MBD6: variants seen among roughly 807,000 people sequenced by gnomAD.
MBD6 encodes methyl-CpG binding domain protein 6.
MBD6 carries 22 observed loss-of-function variants against 66.8 expected under a neutral mutation model. That is an observed-to-expected ratio of 0.33 (90% CI 0.24 to 0.47). The LOEUF (loss-of-function observed/expected upper bound fraction) is 0.47, where lower values mean the gene tolerates loss of function less well. Ranked by LOEUF, MBD6 falls within the 20% of genes least tolerant of loss-of-function variation. The pLI is 1.00. For synonymous variants in MBD6, 540 were observed against 534.6 expected, an observed-to-expected ratio of 1.01 and a Z score of -0.14; for missense variants, 1,322 against 1,286.9, an observed-to-expected ratio of 1.03 and a Z score of -0.42.
Position 57,528,505 on chromosome 12 carries a change from G to A in MBD6, c.2765G>A (p.Gly922Glu). ...HWQHNGELAE[G>E]GAEPKDPPPP... Reference sequence around the variant, plus strand: ...CAGCATAATGGGGAGCTGGCTGAAGGGGGTGCTGAGCCCAAGGATCCACCC... The same window carrying A: ...CAGCATAATGGGGAGCTGGCTGAAGAGGGTGCTGAGCCCAAGGATCCACCC... Residue 922 changes from glycine (G) to glutamate (E), a missense_variant, in exon 10 of 13, where the codon GGG becomes GAG. Physicochemically the swap from Gly to Glu is moderately conservative, Grantham distance 98. Transcript: ENST00000355673. The A allele has an allele frequency of 6.2e-7, 1 of 1,613,962 alleles. No homozygotes were observed. The highest frequency in any genetic ancestry group is 2.2e-5 in the East Asian group (1 of 44,882).
rs78586035 is a variant in MBD6, at chr12:57,525,024, C to T, written c.288C>T (p.Asp96=). 5.0e-4 allele frequency: 807 copies of T among 1,613,094 alleles called. 7 individuals carry two copies. In the East Asian group the frequency reaches 0.016, roughly 33 times the overall value. ...GGGTGGGGCCAGCATCAGAGGAGGA[C>T]ATGACCAAGCTGTGCAACCACCGGC... ...GAGVGPASEE[D]MTKLCNHRRK... Residue 96 remains aspartate, a synonymous_variant, in exon 5 of 13, where the codon GAC becomes GAT. Coordinates refer to ENST00000355673, the MANE Select transcript of MBD6 (RefSeq NM_052897.4).
rs368133035 is a variant in MBD6, at chr12:57,529,418, A to ACCCCCCCCCCCCCCCCCCCCCCCCCCC, written c.*193_*194insCCCCCCCCCCCCCCCCCCCCCCCCCCC. The ACCCCCCCCCCCCCCCCCCCCCCCCCCC allele has an allele frequency of 7.2e-5, 24 of 333,302 alleles. No individual in the cohort carries two copies. Among genetic ancestry groups the ACCCCCCCCCCCCCCCCCCCCCCCCCCC allele is most frequent in the African/African-American group, 2.2e-4 (7 of 32,324 alleles). The allele number at this position is 333,302 out of a possible 1,614,324, so 20.6% of individuals were successfully genotyped here. A position where few individuals can be genotyped will look rare whatever the true frequency, so the allele number is the denominator to read the frequency against. ...GCCATTGCAGGGGGCAGGGAAGTTC[A>ACCCCCCCCCCCCCCCCCCCCCCCCCCC]CCCCCCCCCACCACCCCCCCGCCCC... On this transcript the variant is annotated 3_prime_UTR_variant, in exon 13 of 13. Coordinates refer to ENST00000355673, the MANE Select transcript of MBD6 (RefSeq NM_052897.4).
chr12:57,527,648 G>A lies in MBD6; in HGVS notation c.2224G>A (p.Ala742Thr), dbSNP rs777526406. 1.9e-6 allele frequency: 3 copies of A among 1,599,574 alleles called. No homozygotes were observed. Among genetic ancestry groups the A allele is most frequent in the Non-Finnish European group, 2.6e-6 (3 of 1,173,306 alleles). ...CCAACTCCTTAGCCCTCTGCTGGGTGCCAGCCTGCTGGGTGAGTCTGAGGG... is the reference window on the plus strand; with the variant it reads ...CCAACTCCTTAGCCCTCTGCTGGGTACCAGCCTGCTGGGTGAGTCTGAGGG... ...PPQLLSPLLGASLLGDLSSLT... is the reference protein window; with the variant it reads ...PPQLLSPLLGTSLLGDLSSLT... The change falls in exon 8 of 13, where the codon GCC (alanine) becomes ACC (threonine). Residue 742 changes from alanine to threonine, a missense_variant. By Grantham distance (58) the Ala-to-Thr change is moderately conservative. Coordinates refer to ENST00000355673, the MANE Select transcript of MBD6 (RefSeq NM_052897.4).
intron 7 of MBD6, 30 bp from the exon 8 acceptor site, chr12:57,527,477 G>GT (rs1262007060): frequency 2.1e-5 from 34 of 1,611,964 alleles, no homozygotes; most frequent in African/African-American, 8.0e-5. Context: ...TTTTACACGC[G>GT]TAAGTGTTAG....
At position 57,526,553 on chromosome 12, in the gene MBD6, T is replaced by A; in HGVS notation, c.1421-13T>A. 6.6e-7 allele frequency: 1 copy of A among 1,511,144 alleles called. No homozygotes were observed. The highest frequency in any genetic ancestry group is 1.4e-5 in the African/African-American group (1 of 71,632). The allele number at this position is 1,511,144 out of a possible 1,614,324, so 93.6% of individuals were successfully genotyped here. ...GGGCCTCCCTTGAGCTGAATTTCTC[T>A]CCTCTTTTACAGGTGCCCCTGCCCC... On this transcript the variant is annotated splice_polypyrimidine_tract_variant and intron_variant, in intron 6 of 12. Transcript: ENST00000355673.
At position 57,525,364 on chromosome 12, in the gene MBD6, C is replaced by T. The variant is rs1387570751; in HGVS notation, c.396C>T (p.Pro132=). Residue 132 remains proline, a synonymous_variant, in exon 6 of 13, where the codon CCC becomes CCT. Coordinates refer to ENST00000355673, the MANE Select transcript of MBD6 (RefSeq NM_052897.4). ...SHSSPGEGAS[P]QMFHTVSPGP... Reference sequence around the variant, plus strand: ...TTATTGCAGGAGAGGGAGCGAGCCCCCAAATGTTCCACACTGTGTCCCCAG... The same window carrying T: ...TTATTGCAGGAGAGGGAGCGAGCCCTCAAATGTTCCACACTGTGTCCCCAG... 3 of 1,564,898 alleles carry T rather than the reference C, an allele frequency of 1.9e-6. No homozygotes were observed. In the African/African-American group the frequency reaches 4.1e-5, roughly 22 times the overall value.
Position 57,525,413 on chromosome 12 carries a change from T to C in MBD6, c.445T>C (p.Cys149Arg), listed in dbSNP as rs759390289. 1 of 1,408,194 alleles carries C rather than the reference T, an allele frequency of 7.1e-7. No individual in the cohort carries two copies. The highest frequency in any genetic ancestry group is 9.4e-7 in the Non-Finnish European group (1 of 1,065,150). 87.2% of individuals were successfully genotyped at this position (1,408,194 alleles called of 1,614,324 possible). ...SPGPPSARPP[C>R]RVPPTTPLNG... ...AGGGCCCCCCTCTGCCCGCCCTCCC[T>C]GTCGAGTTCCTCCTACAACTCCACT... The change falls in exon 6 of 13, where the codon TGT becomes CGT. Residue 149 changes from cysteine to arginine, a missense_variant. Coordinates refer to ENST00000355673, the MANE Select transcript of MBD6 (RefSeq NM_052897.4).
chr12:57,526,768 G>A lies in MBD6; in HGVS notation c.1623G>A (p.Leu541=). The change falls in exon 7 of 13, where the codon TTG becomes TTA. Residue 541 remains leucine, a synonymous_variant. Coordinates refer to ENST00000355673, the MANE Select transcript of MBD6 (RefSeq NM_052897.4). ...GAGFPGMLGA[L]PLPLSLGQPP... is the part of the protein sequence containing the mutation. ...GCTTCCCTGGGATGCTTGGGGCCTT[G>A]CCTCTCCCTCTGAGTCTGGGGCAGC... 6.3e-7 allele frequency: 1 copy of A among 1,593,836 alleles called. No individual in the cohort carries two copies. The highest frequency in any genetic ancestry group is 8.6e-7 in the Non-Finnish European group (1 of 1,167,510).
In MBD6 at chr12:57,527,545, C is replaced by T. The variant is rs1454366906; in HGVS notation, c.2121C>T (p.Thr707=). 2.5e-6 allele frequency: 4 copies of T among 1,614,028 alleles called. No individual in the cohort carries two copies. Among genetic ancestry groups the T allele is most frequent in the African/African-American group, 1.3e-5 (1 of 74,918 alleles). The part of the protein sequence containing the change: ...VLSAPQPGPP[T]SSVTTATTDP... ...GTGCCCCCCAACCTGGACCACCTACCTCCAGTGTCACCACGGCAACTACTG... is the reference window on the plus strand; with the variant it reads ...GTGCCCCCCAACCTGGACCACCTACTTCCAGTGTCACCACGGCAACTACTG... The change falls in exon 8 of 13, where the codon ACC becomes ACT. Residue 707 remains threonine, a synonymous_variant. Coordinates refer to ENST00000355673, the MANE Select transcript of MBD6 (RefSeq NM_052897.4).
At chr12:57,525,261 G>A in intron 5 of MBD6, 87 bp from the exon 6 acceptor site, 2 of 1,483,478 alleles carry the variant, frequency 1.3e-6, no homozygotes, top group Non-Finnish European at 1.8e-6. Context: ...GGGAGGTTGG[G>A]AACTTGTGGG....
In MBD6 at chr12:57,529,497, C is replaced by T. The variant is rs1231785551; in HGVS notation, c.*263C>T. On this transcript the variant is annotated 3_prime_UTR_variant, in exon 13 of 13. Coordinates refer to ENST00000355673, the MANE Select transcript of MBD6 (RefSeq NM_052897.4). ...GGGGGGATGGTATATGGCCCTTTCC[C>T]CACCAGGCGCTAAGGGGAACACCCC... The T allele has an allele frequency of 1.2e-5, 5 of 416,392 alleles. No homozygotes were observed. Among genetic ancestry groups the T allele is most frequent in the Non-Finnish European group, 1.7e-5 (4 of 232,086 alleles). 25.8% of individuals were successfully genotyped at this position (416,392 alleles called of 1,614,324 possible).
Position 57,525,635 on chromosome 12 carries a change from A to G in MBD6, c.667A>G (p.Asn223Asp), listed in dbSNP as rs764731352. 6 of 1,613,420 alleles carry G rather than the reference A, an allele frequency of 3.7e-6. No individual in the cohort carries two copies. In the African/African-American group the frequency reaches 8.0e-5, roughly 22 times the overall value. The change falls in exon 6 of 13, where the codon AAT becomes GAT. Residue 223 changes from asparagine (N) to aspartate (D), a missense_variant. Transcript: ENST00000355673. ...ACCTCCTCCACCTGCTATCAGCCTC[A>G]ATGCTCCCTCATACAACTGGGGAGC... ...APPPPPAISL[N>D]APSYNWGAAL...
Position 57,526,388 on chromosome 12 carries a change from G to T in MBD6, c.1420G>T (p.Gly474Cys). Residue 474 changes from glycine (G) to cysteine (C), a missense_variant and splice_region_variant, in exon 6 of 13, where the codon GGT becomes TGT. Gly to Cys is a radical substitution (Grantham distance 159). Transcript: ENST00000355673. ...TTSGSLSSVP[G>C]APAPPAASKA... is the part of the protein sequence containing the mutation. The stretch of plus-strand genomic sequence containing the variant: ...CAGTGGCAGCCTCAGCAGTGTGCCA[G>T]GTATGTGAGTATTGTGGAGCCCTTC... The T allele has an allele frequency of 6.3e-7, 1 of 1,579,446 alleles. No individual in the cohort carries two copies. Among genetic ancestry groups the T allele is most frequent in the Non-Finnish European group, 8.6e-7 (1 of 1,162,926 alleles).
downstream of MBD6, chr12:57,530,893 A>G (rs889762937): frequency 1.1e-6 from 1 of 885,832 alleles, no homozygotes; most frequent in Non-Finnish European, 1.8e-6. Flanking sequence ...TGTGGGCCAC[A>G]GAGGGGGGAT....
Position 57,525,696 on chromosome 12 carries a change from G to C in MBD6, c.728G>C (p.Gly243Ala). The C allele has an allele frequency of 6.2e-7, 1 of 1,613,990 alleles. No individual in the cohort carries two copies. The highest frequency in any genetic ancestry group is 8.5e-7 in the Non-Finnish European group (1 of 1,179,966). Residue 243 changes from glycine (G) to alanine (A), a missense_variant, in exon 6 of 13, where the codon GGC (glycine) becomes GCC (alanine). Physicochemically the swap from Gly to Ala is moderately conservative, Grantham distance 60 (BLOSUM62 0). Transcript: ENST00000355673. Reference protein sequence around the residue: ...LRSSLVPSDLGSPPAPHASSS... With the variant: ...LRSSLVPSDLASPPAPHASSS... ...TCCAGCCTGGTGCCCTCTGACCTGG[G>C]CTCTCCTCCGGCCCCTCATGCCTCC...
At chr12:57,524,684 G>A (rs1456052404) in intron 3 of MBD6, 36 bp from the exon 4 acceptor site, 2 of 1,596,544 alleles carry the variant, frequency 1.3e-6, no homozygotes, top group Admixed American at 1.7e-5. Flanking sequence ...TTCGCTGCCA[G>A]CTAACCCCAT....
At chr12:57,527,303 A>G in intron 7 of MBD6, 76 bp downstream of exon 7, 11 of 1,153,760 alleles carry the variant, frequency 9.5e-6, no homozygotes, top group Non-Finnish European at 1.3e-5. Flanking sequence ...AAAAGCTTTC[A>G]GTTTCATTCC....
intron 2 of MBD6, 48 bp from the exon 3 acceptor site, chr12:57,524,232 C>G: frequency 1.7e-6 from 2 of 1,196,480 alleles, no homozygotes; most frequent in Non-Finnish European, 2.3e-6. Flanking sequence ...TCAGGTACTT[C>G]GCTCAGTTTA....
intron 5 of MBD6, 29 bp downstream of exon 5, chr12:57,525,144 C>A: frequency 1.3e-6 from 2 of 1,592,504 alleles, no homozygotes; most frequent in Non-Finnish European, 1.7e-6. Context: ...TACAGAAGAC[C>A]GAGGAAAACC....
Sources: gnomAD v4.1 joint callset for allele counts on GRCh38, gnomAD v4.1.1 for gene constraint, MANE v1.5 for transcripts, NCBI Gene and HGNC (gene_info 2026-07-23, HGNC 2026-07-21) for gene names.